The following ARAP2 variants were observed in gnomAD, a reference collection of about 807,000 sequenced individuals.
ARAP2 encodes arf-GAP with Rho-GAP domain, ANK repeat and PH domain-containing protein 2.
In ARAP2, 148 loss-of-function variants were observed where a neutral mutation model predicts 194.5. That is an observed-to-expected ratio of 0.76 (90% confidence interval 0.67 to 0.87). The LOEUF is 0.87. Ranked by LOEUF, ARAP2 falls within the 40% of genes least tolerant of loss-of-function variation. The probability of loss-of-function intolerance (pLI) is 0.00; values close to 1 mark genes in which losing one functional copy is unlikely to be tolerated. For synonymous variants in ARAP2, 695 were observed against 683.5 expected (o/e 1.02, Z -0.26); for missense variants, 2,128 against 1,989.7 (o/e 1.07, Z -1.32).
At chr4:36,049,877 T>G (rs2109247122) in intron 3 of ARAP2, among the ~76,000 whole-genome samples, 1 of 152,304 alleles carries the variant, frequency 6.6e-6, no homozygotes, top group South Asian at 2.1e-4. Context: ...AAATTATTTT[T>G]CACAGTTACA....
At chr4:36,012,514 G>C (rs1276156833) in intron 9 of ARAP2, 1 of 152,128 alleles carries the variant, frequency 6.6e-6, no homozygotes. Flanking sequence ...TGCATAGCTT[G>C]TCCTGCACAT....
chr4:36,223,719 C>T (rs1749650610), intron 2 of ARAP2, among the ~76,000 whole-genome samples: 1 of 57,538 alleles, frequency 1.7e-5, no homozygotes, highest in African/African-American at 6.3e-5. Flanking sequence ...CCAGAGATGG[C>T]TCTCTCTCTC....
At chr4:36,053,903 C>T (rs1430733219) in intron 2 of ARAP2, among the ~76,000 whole-genome samples, 2 of 152,052 alleles carry the variant, frequency 1.3e-5, no homozygotes, top group Non-Finnish European at 1.5e-5. Flanking sequence ...CTAAGTAGCT[C>T]AATACCAGCC....
At position 36,223,037 on chromosome 4, in the gene ARAP2, T is replaced by G. The variant is rs1560707293; in HGVS notation, c.905+5545A>C. Among the ~76,000 whole-genome samples, 6 of 152,120 alleles carry G rather than the reference T, an allele frequency of 3.9e-5. No individual in the cohort carries two copies. In the South Asian group the frequency reaches 1.0e-3, roughly 26 times the overall value. ...CTTTGGACCAACAAGCTAACCCTTGTTGAAAAAAATACCCCAACCATCATA... is the reference window on the plus strand; with the variant it reads ...CTTTGGACCAACAAGCTAACCCTTGGTGAAAAAAATACCCCAACCATCATA... On this transcript the variant is annotated intron_variant, in intron 2 of 32. Coordinates refer to ENST00000303965, the MANE Select transcript of ARAP2 (RefSeq NM_015230.4).
chr4:36,179,083 G>C (rs1738627967), intron 8 of ARAP2, among the ~76,000 whole-genome samples: 1 of 152,134 alleles, frequency 6.6e-6, no homozygotes, highest in Non-Finnish European at 1.5e-5. Context: ...AATTCATACT[G>C]CCTGTTTAGG....
At chr4:36,099,117 T>C (rs1716146299) in intron 27 of ARAP2, among the ~76,000 whole-genome samples, 1 of 151,372 alleles carries the variant, frequency 6.6e-6, no homozygotes, top group Non-Finnish European at 1.5e-5. Flanking sequence ...TATGTTCTCA[T>C]CATTCGGCTC....
intron 9 of ARAP2, among the ~76,000 whole-genome samples, chr4:36,172,568 AC>A (rs1481209020): frequency 6.6e-6 from 1 of 152,210 alleles, no homozygotes; most frequent in Non-Finnish European, 1.5e-5. Context: ...AGATACTGAA[AC>A]GGGTTATTCT....
At position 36,112,937 on chromosome 4, in the gene ARAP2, A is replaced by T. The variant is rs961557867; in HGVS notation, c.4156+1233T>A. Among the ~76,000 whole-genome samples the T allele has an allele frequency of 1.1e-4, 16 of 152,120 alleles. No individual in the cohort carries two copies. In the South Asian group the frequency reaches 3.3e-3, roughly 32 times the overall value. On this transcript the variant is annotated intron_variant, in intron 26 of 32. Transcript: ENST00000303965. ...AGAAGAGATTATCTAATAATAATAA[A>T]AAATAAAACAGGTAACATGAGAAAA...
In ARAP2 at chr4:36,068,100, G is replaced by A. The variant is rs1725905129; in HGVS notation, c.4922C>T (p.Pro1641Leu). The A allele has an allele frequency of 1.9e-6, 3 of 1,614,112 alleles. No homozygotes were observed. The change falls in exon 33 of 33, where the codon CCT (proline) becomes CTT (leucine). Residue 1641 changes from proline (P) to leucine (L), a missense_variant. Pro to Leu is a moderately conservative substitution (Grantham distance 98). Coordinates refer to ENST00000303965, the MANE Select transcript of ARAP2 (RefSeq NM_015230.4). ...RSFNCLEDTE[P>L]EAPLGQPKGH... Reference sequence around the variant, plus strand: ...TTTTGGTTGCCCAAGTGGGGCTTCAGGCTCTGTGTCCTCCAGGCAGTTGAA... The same window carrying A: ...TTTTGGTTGCCCAAGTGGGGCTTCAAGCTCTGTGTCCTCCAGGCAGTTGAA...
chr4:36,103,347 T>G (rs1717535323), intron 27 of ARAP2, among the ~76,000 whole-genome samples: 1 of 151,684 alleles, frequency 6.6e-6, no homozygotes, highest in African/African-American at 2.4e-5. Flanking sequence ...TCAAAAAACT[T>G]TAGTGCTTAA....
At chr4:36,042,498 T>C (rs77240756) in intron 5 of ARAP2, among the ~76,000 whole-genome samples, 1,572 of 152,336 alleles carry the variant, frequency 0.01, 17 homozygotes, top group African/African-American at 0.029. Flanking sequence ...TGTTCCAGTA[T>C]ACCTTGCTCT....
At chr4:36,070,302 C>T (rs892372158) in intron 32 of ARAP2, among the ~76,000 whole-genome samples, 9 of 152,146 alleles carry the variant, frequency 5.9e-5, no homozygotes, top group East Asian at 1.9e-4. Flanking sequence ...AGAAAGAAAG[C>T]CAAGTGCATA....
chr4:36,198,229 T>G (rs370348440), intron 6 of ARAP2, among the ~76,000 whole-genome samples: 1 of 152,124 alleles, frequency 6.6e-6, no homozygotes, highest in African/African-American at 2.4e-5. Flanking sequence ...TGGCCATGGG[T>G]AGCTCCTCCC....
chr4:36,126,306 C>A (rs556440902), intron 21 of ARAP2, among the ~76,000 whole-genome samples: 1 of 151,998 alleles, frequency 6.6e-6, no homozygotes, highest in South Asian at 2.1e-4. Flanking sequence ...ACGCTTAAAA[C>A]AAAAAGTCAT....
At chr4:36,052,353 T>G (rs1722803518) in intron 2 of ARAP2, among the ~76,000 whole-genome samples, 1 of 152,198 alleles carries the variant, frequency 6.6e-6, no homozygotes, top group African/African-American at 2.4e-5. Flanking sequence ...TTATTCTAAG[T>G]TGTTAGTGTT....
At position 36,118,587 on chromosome 4, in the gene ARAP2, A is replaced by T. The variant is rs1412620946; in HGVS notation, c.3963+1063T>A. The stretch of plus-strand genomic sequence containing the variant: ...GTAATATGAATATAAAAGATAAAAA[A>T]TGCAAAAGGATACTCAAACTTTTTT... On this transcript the variant is annotated intron_variant, in intron 24 of 32. Transcript: ENST00000303965. Among the ~76,000 whole-genome samples the T allele has an allele frequency of 2.0e-5, 3 of 151,544 alleles. No homozygotes were observed. In the East Asian group the frequency reaches 5.8e-4, roughly 29 times the overall value.
intron 9 of ARAP2, among the ~76,000 whole-genome samples, chr4:36,168,540 A>T (rs1046621552): frequency 6.6e-6 from 1 of 152,194 alleles, no homozygotes; most frequent in African/African-American, 2.4e-5. Context: ...GTGGAAAAAA[A>T]TAATTCTATA....
At chr4:36,241,837 T>C (rs1017779977) in intron 1 of ARAP2, among the ~76,000 whole-genome samples, 1 of 152,140 alleles carries the variant, frequency 6.6e-6, no homozygotes, top group African/African-American at 2.4e-5. Context: ...CTTCATGAGT[T>C]CTCAGGAACT....
intron 2 of ARAP2, among the ~76,000 whole-genome samples, chr4:36,056,168 T>C (rs1723473969): frequency 6.6e-6 from 1 of 152,224 alleles, no homozygotes; most frequent in African/African-American, 2.4e-5. Flanking sequence ...ATAATACAAA[T>C]TCTTTTATCA....
Sources: allele counts gnomAD v4.1 joint callset (sites outside exome capture counted in the v4.1 genomes callset), GRCh38; gene constraint gnomAD v4.1.1; transcripts MANE v1.5; gene names NCBI Gene and HGNC (gene_info 2026-07-23, HGNC 2026-07-21).